PTHLH: variants seen among roughly 807,000 people sequenced by gnomAD.
PTHLH encodes the protein parathyroid hormone like hormone, also known as parathyroid hormone-related protein.
Under a neutral mutation model 18.6 loss-of-function variants are expected in PTHLH, and 5 were observed. The ratio of observed to expected loss-of-function variants is 0.27; its 90% confidence interval spans 0.14 to 0.56. PTHLH has a LOEUF of 0.56. Ranked by LOEUF, PTHLH falls within the 20% of genes least tolerant of loss-of-function variation. PTHLH has a pLI of 0.92. For missense variants in PTHLH, 207 were observed against 223.9 expected, an observed-to-expected ratio of 0.92 and a Z score of 0.48; for synonymous variants, 90 against 94.0, an observed-to-expected ratio of 0.96 and a Z score of 0.25.
intron 4 of PTHLH, among the ~76,000 whole-genome samples, chr12:27,968,131 G>A (rs1425933986): frequency 2.0e-5 from 3 of 152,140 alleles, no homozygotes; most frequent in Non-Finnish European, 4.4e-5. Flanking sequence ...GAAACACATC[G>A]GTAAAATGTT....
intron 4 of PTHLH, among the ~76,000 whole-genome samples, chr12:27,968,858 G>T (rs1372849576): frequency 6.6e-6 from 1 of 152,184 alleles, no homozygotes. Flanking sequence ...CTGCAAAGTT[G>T]TTGCTACTTT....
intron 2 of PTHLH, 124 bp downstream of exon 2, chr12:27,971,803 G>GC (rs2062873743): frequency 6.6e-6 from 1 of 151,490 alleles, no homozygotes; most frequent in Non-Finnish European, 1.5e-5. Context: ...ACACACACAC[G>GC]CACACACACA....
chr12:27,961,695 A>C, intron 5 of PTHLH: 2 of 450,268 alleles, frequency 4.4e-6, no homozygotes. Context: ...TAGGTCATTC[A>C]CTGTGCTCAA....
intron 5 of PTHLH, among the ~76,000 whole-genome samples, chr12:27,961,305 A>ATATATACG (rs1191839372): frequency 0.013 from 548 of 42,090 alleles, 35 homozygotes; most frequent in African/African-American, 0.057. Context: ...ATATACGTAT[A>ATATATACG]TATATATATA....
At chr12:27,968,784 C>T (rs2062839993) in intron 4 of PTHLH, among the ~76,000 whole-genome samples, 1 of 152,202 alleles carries the variant, frequency 6.6e-6, no homozygotes, top group African/African-American at 2.4e-5. Context: ...ACCTAAAATT[C>T]ATTTTGGAAT....
chr12:27,961,276 CATATAT>C, intron 5 of PTHLH, among the ~76,000 whole-genome samples: 1 of 52,756 alleles, frequency 1.9e-5, no homozygotes, highest in East Asian at 5.6e-4. Context: ...TTTTATAACT[CATATAT>C]ATACGTATAT....
chr12:27,959,098 G>T (rs11834407), intron 5 of PTHLH, among the ~76,000 whole-genome samples: 22,561 of 152,236 alleles, frequency 0.15, 1,873 homozygotes, highest in Middle Eastern at 0.27. Context: ...GGAACAATTG[G>T]AAGGATGTGT....
intron 4 of PTHLH, among the ~76,000 whole-genome samples, chr12:27,965,144 G>A (rs369915397): frequency 2.6e-5 from 4 of 152,272 alleles, no homozygotes; most frequent in African/African-American, 9.6e-5. Context: ...AAAGTGAGGT[G>A]CAGAGAGGTT....
chr12:27,964,226 C>G (rs542248347), intron 4 of PTHLH, among the ~76,000 whole-genome samples: 177 of 137,154 alleles, frequency 1.3e-3, no homozygotes, highest in African/African-American at 4.7e-3. Context: ...GCTGCTTTTA[C>G]CTGAGTATTC....
At chr12:27,972,113 C>T (rs1350200141) in intron 1 of PTHLH, 94 bp from the exon 2 acceptor site, 1 of 148,170 alleles carries the variant, frequency 6.7e-6, no homozygotes, top group Non-Finnish European at 1.5e-5. Context: ...ATAATATTTG[C>T]TTCCACAATA....
At chr12:27,969,969 C>G (rs752552590) in intron 3 of PTHLH, 56 bp downstream of exon 3, 6 of 519,082 alleles carry the variant, frequency 1.2e-5, no homozygotes, top group South Asian at 5.6e-5. Flanking sequence ...CAGGCCCTTT[C>G]GTTCCAGAGC....
intron 4 of PTHLH, 97 bp downstream of exon 4, chr12:27,969,297 A>G: frequency 8.1e-7 from 1 of 1,230,704 alleles, no homozygotes; most frequent in Admixed American, 2.0e-5. Flanking sequence ...GGCAAGGAGC[A>G]TCGGTGACCG....
intron 2 of PTHLH, among the ~76,000 whole-genome samples, chr12:27,971,153 C>G (rs2062868985): frequency 6.6e-6 from 1 of 151,980 alleles, no homozygotes; most frequent in South Asian, 2.1e-4. Context: ...TTGTCCCCTC[C>G]CCCTCAAAAG....
At position 27,958,333 on chromosome 12, in the gene PTHLH, A is replaced by G; in HGVS notation, c.*226T>C. 2 of 389,644 alleles carry G rather than the reference A, an allele frequency of 5.1e-6. No homozygotes were observed. Among genetic ancestry groups the G allele is most frequent in the Non-Finnish European group, 9.2e-6 (2 of 217,886 alleles). 24.1% of individuals were successfully genotyped at this position (389,644 alleles called of 1,614,324 possible). On this transcript the variant is annotated 3_prime_UTR_variant, in exon 6 of 6. Transcript: ENST00000545234. ...ATACATTTACAAAATAAATACATCAATGGACAAAATAAATTATGGTAAATG... is the reference window on the plus strand; with the variant it reads ...ATACATTTACAAAATAAATACATCAGTGGACAAAATAAATTATGGTAAATG...
Position 27,970,254 on chromosome 12 carries a change from G to A in PTHLH, c.-252C>T. On this transcript the variant is annotated 5_prime_UTR_variant, in exon 3 of 6. Transcript: ENST00000545234. ...AAACCGAGCGGAGGAATGTTCACACGCTCCGAGGCAAACCTGCCGGAGAAG... is the reference window on the plus strand; with the variant it reads ...AAACCGAGCGGAGGAATGTTCACACACTCCGAGGCAAACCTGCCGGAGAAG... 1 of 437,030 alleles carries A rather than the reference G, an allele frequency of 2.3e-6. No individual in the cohort carries two copies. The highest frequency in any genetic ancestry group is 1.7e-5 in the South Asian group (1 of 60,318). The allele number at this position is 437,030 out of a possible 1,614,324, so 27.1% of individuals were successfully genotyped here. A position where few individuals can be genotyped will look rare whatever the true frequency, so the allele number is the denominator to read the frequency against.
chr12:27,963,368 C>G lies in PTHLH; in HGVS notation c.504G>C (p.Thr168=), dbSNP rs748476768. Residue 168 remains threonine, a synonymous_variant, in exon 5 of 6, where the codon ACG becomes ACC. Coordinates refer to ENST00000545234, the MANE Select transcript of PTHLH (RefSeq NM_198965.2). ...EGDHLSDTST[T]SLELDSRRH ...GTTACCGTGAATCGAGCTCCAGCGA[C>G]GTTGTGGAGGTGTCAGACAGGTGGT... The G allele has an allele frequency of 3.1e-6, 5 of 1,614,224 alleles. No homozygotes were observed. Among genetic ancestry groups the G allele is most frequent in the Non-Finnish European group, 4.2e-6 (5 of 1,180,042 alleles).
intron 5 of PTHLH, among the ~76,000 whole-genome samples, chr12:27,961,513 TTA>T (rs1213890918): frequency 1.3e-5 from 2 of 150,680 alleles, no homozygotes; most frequent in East Asian, 3.9e-4. Context: ...TATGACATGT[TTA>T]TATATATGAG....
chr12:27,962,566 G>A, intron 5 of PTHLH: 1 of 985,478 alleles, frequency 1.0e-6, no homozygotes, highest in Non-Finnish European at 1.2e-6. Flanking sequence ...CAATCTGTGA[G>A]CTAAGGATAA....
At chr12:27,960,601 C>CCAGCTACT (rs147956078) in intron 5 of PTHLH, among the ~76,000 whole-genome samples, 6,748 of 151,602 alleles carry the variant, frequency 0.045, 224 homozygotes, top group East Asian at 0.13. Flanking sequence ...GCCTGCAATC[C>CCAGCTACT]CAGCTACTCA....
Sources: allele counts gnomAD v4.1 joint callset (sites outside exome capture counted in the v4.1 genomes callset), GRCh38; gene constraint gnomAD v4.1.1; transcripts MANE v1.5; gene names NCBI Gene and HGNC (gene_info 2026-07-23, HGNC 2026-07-21).